Variants in SFMBT1 observed in about 807,000 individuals in gnomAD.
The protein encoded by SFMBT1 is Scm like with four mbt domains 1, also known as scm-like with four MBT domains protein 1.
Under a neutral mutation model 108.7 loss-of-function variants are expected in SFMBT1, and 32 were observed. The observed-to-expected ratio is 0.29, with a 90% CI of 0.22 to 0.40. The LOEUF is 0.40. SFMBT1 is among the 10% of genes least tolerant of loss of function. SFMBT1 has a pLI of 1.00. For synonymous variants in SFMBT1, 348 were observed against 369.5 expected, an observed-to-expected ratio of 0.94 and a Z score of 0.67; for missense variants, 816 against 1,059.6, an observed-to-expected ratio of 0.77 and a Z score of 3.19.
At chr3:52,907,370 A>G in intron 18 of SFMBT1, 56 bp from the exon 19 acceptor site, 2 of 1,552,184 alleles carry the variant, frequency 1.3e-6, no homozygotes, top group Non-Finnish European at 1.7e-6. Flanking sequence ...CCCAGGTTTC[A>G]TATGATTAAA....
chr3:52,984,743 T>TGTGTGTGTGG (rs1173955630), intron 1 of SFMBT1, among the ~76,000 whole-genome samples: 4 of 150,286 alleles, frequency 2.7e-5, no homozygotes, highest in African/African-American at 9.8e-5. Context: ...TGTGTGTGTG[T>TGTGTGTGTGG]GTGTGTGTGT....
chr3:52,917,393 C>T (rs969819782), intron 13 of SFMBT1, among the ~76,000 whole-genome samples: 3 of 151,476 alleles, frequency 2.0e-5, no homozygotes, highest in Non-Finnish European at 2.9e-5. Flanking sequence ...AGAGAGGGGT[C>T]GGGGGGTGCC....
chr3:52,943,768 T>G (rs1232358128), intron 3 of SFMBT1, among the ~76,000 whole-genome samples, 175 bp from the exon 4 acceptor site: 1 of 152,196 alleles, frequency 6.6e-6, no homozygotes, highest in East Asian at 1.9e-4. Context: ...AACAAACGAA[T>G]AGCAATGCTG....
rs1049732490 is a variant in SFMBT1, at chr3:52,904,130, G to C, written c.*1006C>G. On this transcript the variant is annotated 3_prime_UTR_variant, in exon 21 of 21. Coordinates refer to ENST00000394752, the MANE Select transcript of SFMBT1 (RefSeq NM_016329.4). ...AGAAGGACAAATGGGCTTCGCTGTGGGTCCATGGAACACTTACTGATTTTC... is the reference window on the plus strand; with the variant it reads ...AGAAGGACAAATGGGCTTCGCTGTGCGTCCATGGAACACTTACTGATTTTC... 1 of 152,142 alleles carries C rather than the reference G, an allele frequency of 6.6e-6. No homozygotes were observed. Among genetic ancestry groups the C allele is most frequent in the African/African-American group, 2.4e-5 (1 of 41,394 alleles). 9.4% of individuals were successfully genotyped at this position (152,142 alleles called of 1,614,324 possible).
chr3:52,970,618 A>G (rs1482033609), intron 1 of SFMBT1, among the ~76,000 whole-genome samples: 1 of 152,184 alleles, frequency 6.6e-6, no homozygotes, highest in Non-Finnish European at 1.5e-5. Context: ...AATACAGAAA[A>G]CTATAGCATT....
chr3:52,996,529 A>G lies in SFMBT1; in HGVS notation c.-130-27271T>C, dbSNP rs142146535. 2.4e-3 allele frequency among the ~76,000 whole-genome samples: 354 copies of G among 150,304 alleles called. 13 individuals are homozygous for G. The highest frequency in any genetic ancestry group is 7.5e-3 in the African/African-American group (310 of 41,422). The stretch of plus-strand genomic sequence containing the variant: ...CACCCGGACAATAATCCAATTTTTC[A>G]ATCAAAAGATTTGAATAGGTACTTC... On this transcript the variant is annotated intron_variant, in intron 1 of 20. Transcript: ENST00000394752.
At chr3:52,953,441 C>G (rs1341745100) in intron 3 of SFMBT1, among the ~76,000 whole-genome samples, 2 of 88,570 alleles carry the variant, frequency 2.3e-5, no homozygotes, top group East Asian at 6.5e-4. Flanking sequence ...CCCTACCCCC[C>G]TCACCAAAAA....
chr3:53,017,742 G>A (rs1232016404), intron 1 of SFMBT1, among the ~76,000 whole-genome samples: 1 of 152,098 alleles, frequency 6.6e-6, no homozygotes, highest in East Asian at 1.9e-4. Context: ...TTCAAAAAAA[G>A]CAATATAATT....
intron 4 of SFMBT1, among the ~76,000 whole-genome samples, chr3:52,936,660 A>C: frequency 6.6e-6 from 1 of 152,146 alleles, no homozygotes; most frequent in Non-Finnish European, 1.5e-5. Flanking sequence ...CTTCTGCAAG[A>C]AGCCCCAGTT....
chr3:52,951,674 T>A (rs1439392668), intron 3 of SFMBT1, among the ~76,000 whole-genome samples: 1 of 152,174 alleles, frequency 6.6e-6, no homozygotes, highest in Non-Finnish European at 1.5e-5. Context: ...ATTAAATGAA[T>A]AGGTTGGGCT....
intron 1 of SFMBT1, among the ~76,000 whole-genome samples, chr3:52,987,002 T>C (rs1427564183): frequency 2.6e-5 from 4 of 152,138 alleles, no homozygotes; most frequent in Admixed American, 6.5e-5. Flanking sequence ...ACTTTTTATT[T>C]ACTTGTTAAA....
At chr3:53,003,944 A>G (rs1379030978) in intron 1 of SFMBT1, among the ~76,000 whole-genome samples, 1 of 149,824 alleles carries the variant, frequency 6.7e-6, no homozygotes, top group Non-Finnish European at 1.5e-5. Context: ...CATTAGCTAG[A>G]TATTTCCAAT....
intron 1 of SFMBT1, among the ~76,000 whole-genome samples, chr3:53,032,080 G>A (rs1288615844): frequency 6.6e-6 from 1 of 152,190 alleles, no homozygotes; most frequent in Non-Finnish European, 1.5e-5. Flanking sequence ...CAAACTTGAT[G>A]TCCAGCCAGC....
At chr3:52,986,957 T>G (rs1322947860) in intron 1 of SFMBT1, among the ~76,000 whole-genome samples, 1 of 151,992 alleles carries the variant, frequency 6.6e-6, no homozygotes, top group Non-Finnish European at 1.5e-5. Context: ...ATATATTTTT[T>G]CTTTATATCC....
intron 1 of SFMBT1, among the ~76,000 whole-genome samples, chr3:53,037,317 A>AAGTC (rs1188003775): frequency 6.6e-6 from 1 of 152,100 alleles, no homozygotes; most frequent in African/African-American, 2.4e-5. Flanking sequence ...ACAACAAAGA[A>AAGTC]AGTCATTTGA....
intron 1 of SFMBT1, among the ~76,000 whole-genome samples, chr3:53,037,326 G>C (rs2106969278): frequency 6.6e-6 from 1 of 152,302 alleles, no homozygotes; most frequent in Non-Finnish European, 1.5e-5. Flanking sequence ...AAAGTCATTT[G>C]AAGCTCTTCT....
intron 4 of SFMBT1, among the ~76,000 whole-genome samples, chr3:52,935,513 T>A (rs2710313): frequency 0.61 from 93,371 of 152,042 alleles, 29,095 homozygotes; most frequent in South Asian, 0.82. Context: ...AATGCCTGGC[T>A]TATACCCTCA....
chr3:53,040,933 T>A (rs1700023061), intron 1 of SFMBT1, among the ~76,000 whole-genome samples: 1 of 146,276 alleles, frequency 6.8e-6, no homozygotes, highest in African/African-American at 2.5e-5. Flanking sequence ...GCCTCCCGAG[T>A]AGCTGAGACT....
chr3:52,967,286 T>C (rs1398091942), intron 2 of SFMBT1, among the ~76,000 whole-genome samples: 1 of 152,166 alleles, frequency 6.6e-6, no homozygotes. Flanking sequence ...AGAACCTTAT[T>C]TCAAATATAA....
Sources: allele counts gnomAD v4.1 joint callset (sites outside exome capture counted in the v4.1 genomes callset), GRCh38; gene constraint gnomAD v4.1.1; transcripts MANE v1.5; gene names NCBI Gene and HGNC (gene_info 2026-07-23, HGNC 2026-07-21).